Variants in PIK3AP1 observed in about 807,000 individuals in gnomAD.
The protein encoded by PIK3AP1 is phosphoinositide-3-kinase adaptor protein 1.
A neutral mutation model predicts 88.1 loss-of-function variants in PIK3AP1; 21 were observed. The ratio of observed to expected loss-of-function variants is 0.24; its 90% CI spans 0.17 to 0.34. PIK3AP1 has a LOEUF of 0.34. PIK3AP1 is among the 10% of genes least tolerant of loss of function. The pLI, the probability that PIK3AP1 is intolerant of heterozygous loss-of-function variation, is 1.00. For synonymous variants in PIK3AP1, 398 were observed against 400.0 expected, an observed-to-expected ratio of 1.00 and a Z score of 0.06; for missense variants, 828 against 1,035.7, an observed-to-expected ratio of 0.80 and a Z score of 2.75.
intron 2 of PIK3AP1, among the ~76,000 whole-genome samples, chr10:96,662,888 CAAAAAAAAAAAAAAAAAAA>C (rs749898725): frequency 4.4e-5 from 1 of 22,586 alleles, no homozygotes. Context: ...GACTCCGTCT[CAAAAAAAAAAAAAAAAAAA>C]AAAAAAAAAA....
At chr10:96,623,930 C>G (rs944680059) in intron 10 of PIK3AP1, among the ~76,000 whole-genome samples, 1 of 152,204 alleles carries the variant, frequency 6.6e-6, no homozygotes, top group African/African-American at 2.4e-5. Context: ...AGTAGAACAG[C>G]AAAATGTGTG....
At chr10:96,672,398 G>A (rs1843859670) in intron 2 of PIK3AP1, among the ~76,000 whole-genome samples, 1 of 152,112 alleles carries the variant, frequency 6.6e-6, no homozygotes, top group Admixed American at 6.5e-5. Flanking sequence ...CATTCATCAG[G>A]TAATTCACCT....
At chr10:96,641,565 G>T (rs749411495) in intron 8 of PIK3AP1, among the ~76,000 whole-genome samples, 2 of 152,176 alleles carry the variant, frequency 1.3e-5, no homozygotes, top group Non-Finnish European at 2.9e-5. Flanking sequence ...TTTAGAAATA[G>T]CTCCTGTGTA....
chr10:96,637,493 C>T (rs1050118967), intron 8 of PIK3AP1, among the ~76,000 whole-genome samples: 1 of 152,056 alleles, frequency 6.6e-6, no homozygotes, highest in Non-Finnish European at 1.5e-5. Flanking sequence ...TAACTACAGG[C>T]ATGCACCACC....
chr10:96,657,330 T>C (rs1352727544), intron 2 of PIK3AP1, among the ~76,000 whole-genome samples: 1 of 152,226 alleles, frequency 6.6e-6, no homozygotes, highest in Non-Finnish European at 1.5e-5. Context: ...AAGGTCATTC[T>C]TGGAACATCA....
At chr10:96,640,747 G>A (rs1475493099) in intron 8 of PIK3AP1, among the ~76,000 whole-genome samples, 1 of 151,592 alleles carries the variant, frequency 6.6e-6, no homozygotes, top group Non-Finnish European at 1.5e-5. Flanking sequence ...AGCCTTGAAC[G>A]CCCAGGCTCA....
intron 2 of PIK3AP1, among the ~76,000 whole-genome samples, chr10:96,703,527 T>A (rs1347376372): frequency 6.6e-6 from 1 of 152,162 alleles, no homozygotes. Flanking sequence ...ACACTCAATA[T>A]CACCCACAGA....
chr10:96,641,886 G>A (rs908186361), intron 8 of PIK3AP1, among the ~76,000 whole-genome samples: 1 of 152,174 alleles, frequency 6.6e-6, no homozygotes, highest in African/African-American at 2.4e-5. Context: ...GGGCGGTGCT[G>A]CAAATACGCA....
Position 96,620,373 on chromosome 10 carries a change from C to T in PIK3AP1, c.1920G>A (p.Ser640=), listed in dbSNP as rs200684467. ...TTACCTGCTGGAAACGAAAGGACTC[C>T]GATCGTTTCTTCTGGTTGAGCTGCC... The part of the protein sequence containing the change: ...KEWQLNQKKR[S]ESFRFQQENL... Residue 640 remains serine, a synonymous_variant, in exon 12 of 17, where the codon TCG becomes TCA. Transcript: ENST00000339364. 3.8e-5 allele frequency: 61 copies of T among 1,614,138 alleles called. No individual in the cohort carries two copies. Among genetic ancestry groups the T allele is most frequent in the Middle Eastern group, 1.7e-4 (1 of 6,056 alleles).
At chr10:96,663,095 A>G (rs1482360474) in intron 2 of PIK3AP1, among the ~76,000 whole-genome samples, 1 of 152,034 alleles carries the variant, frequency 6.6e-6, no homozygotes, top group Non-Finnish European at 1.5e-5. Context: ...AGGCAAATCT[A>G]TAGAGACAGA....
At chr10:96,621,573 T>G (rs1843084534) in intron 11 of PIK3AP1, 1 of 152,278 alleles carries the variant, frequency 6.6e-6, no homozygotes, top group African/African-American at 2.4e-5. Flanking sequence ...CTTACCTCTA[T>G]GAGCTCCAGA....
At chr10:96,622,629 G>GT (rs1451018990) in intron 11 of PIK3AP1, among the ~76,000 whole-genome samples, 5 of 152,192 alleles carry the variant, frequency 3.3e-5, no homozygotes, top group Non-Finnish European at 7.3e-5. Context: ...GGGAGACACA[G>GT]TGGAGGAAAA....
At chr10:96,640,521 A>G (rs1843370134) in intron 8 of PIK3AP1, among the ~76,000 whole-genome samples, 1 of 152,198 alleles carries the variant, frequency 6.6e-6, no homozygotes, top group Non-Finnish European at 1.5e-5. Context: ...AAGTGAGAAA[A>G]AGATGAGGAG....
chr10:96,597,271 T>TTTCCTTCC (rs536365112), intron 16 of PIK3AP1, among the ~76,000 whole-genome samples: 2,427 of 107,048 alleles, frequency 0.023, 89 homozygotes, highest in African/African-American at 0.043. Context: ...TCTTTCTTTC[T>TTTCCTTCC]TTCCTTCCTT....
Position 96,626,723 on chromosome 10 carries a change from G to A in PIK3AP1, c.1654C>T (p.Pro552Ser), listed in dbSNP as rs752634494. The A allele has an allele frequency of 6.2e-7, 1 of 1,614,174 alleles. No homozygotes were observed. Among genetic ancestry groups the A allele is most frequent in the South Asian group, 1.1e-5 (1 of 91,086 alleles). ...CCATACTTGCCTTTAAAAATGTATG[G>A]TTCGTTGTCAGGCAGCTGGTGAGCA... ...PGAHQLPDNE[P>S]YIFKVFAEKS... The change falls in exon 10 of 17, where the codon CCA becomes TCA. Residue 552 changes from proline (P) to serine (S), a missense_variant. Physicochemically the swap from Pro to Ser is moderately conservative, Grantham distance 74. This residue lies in a region of PIK3AP1 where 610 missense variants were observed against 760.1 expected (regional missense o/e 0.80). Transcript: ENST00000339364.
intron 8 of PIK3AP1, among the ~76,000 whole-genome samples, chr10:96,637,458 G>A (rs916088706): frequency 6.6e-6 from 1 of 151,926 alleles, no homozygotes; most frequent in Non-Finnish European, 1.5e-5. Context: ...TGATTTCCCA[G>A]GCGATCCTCC....
chr10:96,613,173 A>G (rs1004450389), intron 13 of PIK3AP1, among the ~76,000 whole-genome samples: 3 of 150,816 alleles, frequency 2.0e-5, no homozygotes, highest in African/African-American at 4.9e-5. Flanking sequence ...TAATTTTTGT[A>G]TTTTTGGTAG....
At chr10:96,647,726 C>T (rs4919048) in intron 7 of PIK3AP1, among the ~76,000 whole-genome samples, 42,560 of 152,096 alleles carry the variant, frequency 0.28, 6,243 homozygotes, top group Middle Eastern at 0.44. Flanking sequence ...AGATATCAGG[C>T]TCTGTCCTGT....
chr10:96,672,667 G>T (rs1843863560), intron 2 of PIK3AP1, among the ~76,000 whole-genome samples: 1 of 151,870 alleles, frequency 6.6e-6, no homozygotes. Context: ...ATCTGAGGCT[G>T]CCATGACAAC....
Sources: allele counts gnomAD v4.1 joint callset (sites outside exome capture counted in the v4.1 genomes callset), GRCh38; gene constraint gnomAD v4.1.1; regional missense constraint gnomAD v4.1.1; transcripts MANE v1.5; gene names NCBI Gene and HGNC (gene_info 2026-07-23, HGNC 2026-07-21).